Variants in FAM168A observed in about 807,000 individuals in gnomAD.
FAM168A encodes the protein family with sequence similarity 168 member A.
Under a neutral mutation model 28.5 loss-of-function variants are expected in FAM168A, and 3 were observed. The ratio of observed to expected loss-of-function variants is 0.11; its 90% CI spans 0.05 to 0.27. FAM168A has a LOEUF of 0.27. Among genes scored for constraint, FAM168A ranks in the 10% least tolerant of loss-of-function variants. FAM168A has a pLI of 1.00. For missense variants in FAM168A, 222 were observed against 311.5 expected, an observed-to-expected ratio of 0.71 and a Z score of 2.16; for synonymous variants, 122 against 124.2, an observed-to-expected ratio of 0.98 and a Z score of 0.12.
At chr11:73,583,186 C>A (rs1174580582) in intron 1 of FAM168A, among the ~76,000 whole-genome samples, 1 of 152,078 alleles carries the variant, frequency 6.6e-6, no homozygotes, top group Non-Finnish European at 1.5e-5. Flanking sequence ...ACCTGTAATC[C>A]CAGCTACTCG....
intron 2 of FAM168A, among the ~76,000 whole-genome samples, chr11:73,445,419 C>CTCT (rs776745757): frequency 2.2e-4 from 11 of 50,432 alleles, no homozygotes; most frequent in Admixed American, 6.4e-4. Flanking sequence ...AAAAATGTCT[C>CTCT]TTTTTTTTTT....
intron 2 of FAM168A, among the ~76,000 whole-genome samples, chr11:73,449,094 G>C (rs1590785097): frequency 6.6e-6 from 1 of 151,956 alleles, no homozygotes; most frequent in Non-Finnish European, 1.5e-5. Context: ...TCCTGCCTTA[G>C]CCTCCTGAGT....
At chr11:73,503,208 G>T (rs961910101) in intron 1 of FAM168A, among the ~76,000 whole-genome samples, 2 of 152,108 alleles carry the variant, frequency 1.3e-5, no homozygotes, top group Non-Finnish European at 2.9e-5. Context: ...AGGAAGTCAA[G>T]TTGTCTCTGT....
chr11:73,470,403 A>T (rs1329942441), intron 1 of FAM168A, among the ~76,000 whole-genome samples: 2 of 152,270 alleles, frequency 1.3e-5, no homozygotes, highest in East Asian at 1.9e-4. Flanking sequence ...AAAGTGCTGC[A>T]GTGGTTTGAA....
At chr11:73,487,561 T>C (rs1868069377) in intron 1 of FAM168A, among the ~76,000 whole-genome samples, 1 of 152,166 alleles carries the variant, frequency 6.6e-6, no homozygotes, top group African/African-American at 2.4e-5. Flanking sequence ...ATTCTTATCA[T>C]AATTCCTGGT....
At chr11:73,543,217 G>GT (rs1943679391) in intron 1 of FAM168A, among the ~76,000 whole-genome samples, 1 of 147,790 alleles carries the variant, frequency 6.8e-6, no homozygotes, top group Non-Finnish European at 1.5e-5. Context: ...AGATCATATT[G>GT]TAAGTATAAT....
intron 1 of FAM168A, among the ~76,000 whole-genome samples, chr11:73,507,634 A>ATT (rs1855140472): frequency 6.6e-6 from 1 of 152,172 alleles, no homozygotes; most frequent in Non-Finnish European, 1.5e-5. Flanking sequence ...GTTAAAAAAA[A>ATT]TTTCAAGTCC....
At chr11:73,527,005 G>A (rs771971965) in intron 1 of FAM168A, among the ~76,000 whole-genome samples, 5 of 151,840 alleles carry the variant, frequency 3.3e-5, no homozygotes, top group Admixed American at 6.6e-5. Context: ...CTAGCTTCTG[G>A]CCCACAAATA....
chr11:73,530,158 C>CA (rs1219941050), intron 1 of FAM168A, among the ~76,000 whole-genome samples: 3 of 152,038 alleles, frequency 2.0e-5, no homozygotes, highest in Admixed American at 2.0e-4. Flanking sequence ...GGAGACAAAT[C>CA]AGACTGTTCC....
intron 2 of FAM168A, among the ~76,000 whole-genome samples, chr11:73,445,419 C>CTCTCTCTCTTTTTTTTTTTTTTTTTTTTT (rs776745757): frequency 2.0e-5 from 1 of 50,432 alleles, no homozygotes; most frequent in African/African-American, 7.1e-5. Flanking sequence ...AAAAATGTCT[C>CTCTCTCTCTTTTTTTTTTTTTTTTTTTTT]TTTTTTTTTT....
At chr11:73,463,294 C>A (rs143486339) in intron 2 of FAM168A, among the ~76,000 whole-genome samples, 155 of 152,154 alleles carry the variant, frequency 1.0e-3, no homozygotes, top group African/African-American at 3.5e-3. Flanking sequence ...TTACTGCAAT[C>A]TTTTTTAAAA....
At chr11:73,491,141 A>C (rs1465065588) in intron 1 of FAM168A, among the ~76,000 whole-genome samples, 1 of 152,172 alleles carries the variant, frequency 6.6e-6, no homozygotes, top group Non-Finnish European at 1.5e-5. Context: ...CTGTTGACAA[A>C]ACACACATAT....
chr11:73,540,210 CAAATT>C (rs1943637017), intron 1 of FAM168A, among the ~76,000 whole-genome samples: 1 of 151,986 alleles, frequency 6.6e-6, no homozygotes, highest in African/African-American at 2.4e-5. Flanking sequence ...CAAAGAAAAA[CAAATT>C]AAACTGATTT....
chr11:73,471,305 A>G (rs1287522273), intron 1 of FAM168A, among the ~76,000 whole-genome samples: 1 of 152,166 alleles, frequency 6.6e-6, no homozygotes, highest in East Asian at 1.9e-4. Context: ...TTAACTTCTG[A>G]GTCTCTGTTT....
intron 1 of FAM168A, among the ~76,000 whole-genome samples, chr11:73,512,240 G>A (rs996854633): frequency 6.6e-6 from 1 of 152,012 alleles, no homozygotes; most frequent in Non-Finnish European, 1.5e-5. Context: ...AACTCTTTCC[G>A]TGCTCCCATA....
intron 1 of FAM168A, among the ~76,000 whole-genome samples, chr11:73,526,868 C>CAA (rs61073226): frequency 0.073 from 3,744 of 51,548 alleles, 341 homozygotes; most frequent in Non-Finnish European, 0.11. Flanking sequence ...GACTCCATCT[C>CAA]AAAAAAAAAA....
chr11:73,420,070 C>CT, intron 3 of FAM168A, 71 bp from the exon 4 acceptor site: 1 of 1,580,536 alleles, frequency 6.3e-7, no homozygotes, highest in African/African-American at 1.3e-5. Flanking sequence ...AGACACAAAG[C>CT]AAGGGTCTTG....
chr11:73,514,828 G>GCCTGCCAT (rs1943278677), intron 1 of FAM168A, among the ~76,000 whole-genome samples: 1 of 146,430 alleles, frequency 6.8e-6, no homozygotes, highest in Non-Finnish European at 1.5e-5. Flanking sequence ...GTGAGACTCT[G>GCCTGCCAT]CCATCCATCC....
intron 1 of FAM168A, among the ~76,000 whole-genome samples, chr11:73,501,304 G>A (rs1438274984): frequency 1.3e-5 from 2 of 152,138 alleles, no homozygotes; most frequent in Non-Finnish European, 2.9e-5. Context: ...AAATTAACAA[G>A]GATATTCGGG....
Sources: allele counts gnomAD v4.1 joint callset (sites outside exome capture counted in the v4.1 genomes callset), GRCh38; gene constraint gnomAD v4.1.1; transcripts MANE v1.5; gene names NCBI Gene and HGNC (gene_info 2026-07-23, HGNC 2026-07-21).